Variants in RGS7 observed in about 807,000 individuals in gnomAD.
RGS7 encodes regulator of G protein signaling 7.
In RGS7, 27 loss-of-function variants were observed where a neutral mutation model predicts 81.1. The observed-to-expected ratio is 0.33, with a 90% confidence interval of 0.25 to 0.46. RGS7 has a LOEUF of 0.46. Ranked by LOEUF, RGS7 falls within the 20% of genes least tolerant of loss-of-function variation. The probability of loss-of-function intolerance (pLI) is 1.00; values close to 1 mark genes in which losing one functional copy is unlikely to be tolerated. For missense variants in RGS7, 396 were observed against 607.4 expected (o/e 0.65, Z 3.66); for synonymous variants, 208 against 207.7 (o/e 1.00, Z -0.01).
At chr1:240,779,136 T>TGTGTGTGTGTGA (rs1553298671) in intron 18 of RGS7, among the ~76,000 whole-genome samples, 1 of 141,484 alleles carries the variant, frequency 7.1e-6, no homozygotes, top group African/African-American at 2.6e-5. Flanking sequence ...TGTGTGTGTG[T>TGTGTGTGTGTGA]GACAGTCTCA....
chr1:241,212,399 G>T (rs200187220), intron 2 of RGS7, among the ~76,000 whole-genome samples: 1 of 152,138 alleles, frequency 6.6e-6, no homozygotes, highest in South Asian at 2.1e-4. Flanking sequence ...CCTTGTGCTT[G>T]GTTTAATGCT....
chr1:241,324,031 A>G lies in RGS7; in HGVS notation c.78+31668T>C, dbSNP rs1045496945. 2.6e-5 allele frequency among the ~76,000 whole-genome samples: 4 copies of G among 152,160 alleles called. No individual in the cohort carries two copies. In the South Asian group the frequency reaches 8.3e-4, roughly 32 times the overall value. On this transcript the variant is annotated intron_variant, in intron 2 of 18. Coordinates refer to ENST00000440928, the MANE Select transcript of RGS7 (RefSeq NM_001364886.1). ...CATGTTTAAAATGGATATAATAGCAATGCCTCAAAGGGTTGTTATGAGAAA... is the reference window on the plus strand; with the variant it reads ...CATGTTTAAAATGGATATAATAGCAGTGCCTCAAAGGGTTGTTATGAGAAA...
intron 6 of RGS7, among the ~76,000 whole-genome samples, chr1:240,922,429 A>G (rs369291004): frequency 6.6e-6 from 1 of 152,082 alleles, no homozygotes; most frequent in South Asian, 2.1e-4. Context: ...AAGACACTGA[A>G]AGACAAACTA....
chr1:240,780,643 C>T (rs1001040449), intron 18 of RGS7, among the ~76,000 whole-genome samples: 10 of 151,714 alleles, frequency 6.6e-5, no homozygotes, highest in Admixed American at 6.6e-4. Context: ...GGGCCGGGCG[C>T]GGTGGCTGAC....
chr1:240,887,007 A>C (rs1667440389), intron 6 of RGS7, among the ~76,000 whole-genome samples: 1 of 152,178 alleles, frequency 6.6e-6, no homozygotes, highest in Admixed American at 6.5e-5. Flanking sequence ...TGTAATGAGA[A>C]TAAAGATACT....
intron 2 of RGS7, among the ~76,000 whole-genome samples, chr1:241,351,101 T>A (rs2083219216): frequency 6.6e-6 from 1 of 152,128 alleles, no homozygotes; most frequent in Non-Finnish European, 1.5e-5. Flanking sequence ...GAAAAGCCAG[T>A]GGTCTTGTCT....
At chr1:241,072,085 G>T (rs1290820620) in intron 3 of RGS7, among the ~76,000 whole-genome samples, 1 of 152,102 alleles carries the variant, frequency 6.6e-6, no homozygotes, top group Non-Finnish European at 1.5e-5. Flanking sequence ...ACCACCAAGT[G>T]ATCTAACTGG....
At chr1:240,874,724 A>G (rs538879099) in intron 6 of RGS7, among the ~76,000 whole-genome samples, 6 of 152,280 alleles carry the variant, frequency 3.9e-5, no homozygotes, top group African/African-American at 1.4e-4. Context: ...CATTCTTACC[A>G]CTTTTTGTGA....
intron 2 of RGS7, among the ~76,000 whole-genome samples, chr1:241,294,028 T>C (rs2079244733): frequency 6.6e-6 from 1 of 152,124 alleles, no homozygotes; most frequent in South Asian, 2.1e-4. Context: ...TAGCAAACAC[T>C]TGGAAGCAAC....
intron 3 of RGS7, among the ~76,000 whole-genome samples, chr1:241,067,376 T>C (rs956989918): frequency 3.9e-5 from 6 of 152,114 alleles, no homozygotes; most frequent in Non-Finnish European, 5.9e-5. Context: ...GCTTGACATG[T>C]AGTAGGCATT....
intron 3 of RGS7, among the ~76,000 whole-genome samples, chr1:241,017,068 C>T (rs1024045088): frequency 6.6e-6 from 1 of 152,178 alleles, no homozygotes. Context: ...CCTCAAATAA[C>T]TCTGTACTCG....
At chr1:241,085,435 A>G (rs1465011613) in intron 3 of RGS7, among the ~76,000 whole-genome samples, 1 of 150,420 alleles carries the variant, frequency 6.6e-6, no homozygotes. Context: ...CTATTTATTT[A>G]TTTATTTTTG....
intron 6 of RGS7, among the ~76,000 whole-genome samples, chr1:240,877,518 T>C (rs1665643411): frequency 6.6e-6 from 1 of 152,116 alleles, no homozygotes; most frequent in Non-Finnish European, 1.5e-5. Flanking sequence ...TGCTGTATTA[T>C]AAACTTTCTT....
At chr1:241,291,957 C>T (rs2079116135) in intron 2 of RGS7, among the ~76,000 whole-genome samples, 1 of 152,138 alleles carries the variant, frequency 6.6e-6, no homozygotes. Flanking sequence ...TGTGTCATGG[C>T]CTCTTTAATC....
chr1:240,871,365 C>G (rs545717386), intron 6 of RGS7, among the ~76,000 whole-genome samples: 50 of 152,282 alleles, frequency 3.3e-4, no homozygotes, highest in African/African-American at 1.1e-3. Flanking sequence ...GCTGGTATCA[C>G]TAAGGAAACA....
intron 2 of RGS7, among the ~76,000 whole-genome samples, chr1:241,235,692 C>A (rs2075921896): frequency 1.4e-5 from 2 of 145,032 alleles, no homozygotes; most frequent in Admixed American, 6.9e-5. Context: ...TTCTCTCTCT[C>A]TTTCTCTCTT....
intron 9 of RGS7, among the ~76,000 whole-genome samples, chr1:240,845,912 C>T (rs1351181597): frequency 6.6e-6 from 1 of 152,162 alleles, no homozygotes; most frequent in Admixed American, 6.5e-5. Context: ...AGTCCTGTTG[C>T]CTCATCTCTG....
intron 2 of RGS7, among the ~76,000 whole-genome samples, chr1:241,279,558 T>C (rs1443790411): frequency 6.6e-6 from 1 of 152,232 alleles, no homozygotes; most frequent in Non-Finnish European, 1.5e-5. Context: ...AGAGGGAGCA[T>C]TTGTACTCTA....
chr1:240,867,677 C>T (rs1190022145), intron 9 of RGS7, among the ~76,000 whole-genome samples: 1 of 152,166 alleles, frequency 6.6e-6, no homozygotes, highest in Non-Finnish European at 1.5e-5. Context: ...TGAAAGTCAA[C>T]AACCAAAGCA....
Sources: gnomAD v4.1 joint callset for allele counts (sites outside exome capture counted in the v4.1 genomes callset) on GRCh38, gnomAD v4.1.1 for gene constraint, MANE v1.5 for transcripts, NCBI Gene and HGNC (gene_info 2026-07-23, HGNC 2026-07-21) for gene names.